MYO18B: variants seen among roughly 807,000 people sequenced by gnomAD.
MYO18B encodes the protein myosin XVIIIB.
In MYO18B, 204 loss-of-function variants were observed where a neutral mutation model predicts 273.0. That is an observed-to-expected ratio of 0.75 (90% CI 0.67 to 0.84). The LOEUF is 0.84. MYO18B is among the 40% of genes least tolerant of loss of function. The pLI is 0.00. For synonymous variants in MYO18B, 1,330 were observed against 1,305.7 expected, an observed-to-expected ratio of 1.02 and a Z score of -0.40; for missense variants, 3,212 against 3,287.6, an observed-to-expected ratio of 0.98 and a Z score of 0.56.
chr22:25,870,948 A>C (rs1457208956), intron 22 of MYO18B, among the ~76,000 whole-genome samples: 1 of 152,228 alleles, frequency 6.6e-6, no homozygotes, highest in Non-Finnish European at 1.5e-5. Context: ...CAGTGGCAGG[A>C]GTAAGAAGTC....
chr22:26,020,886 G>T (rs5752256), intron 42 of MYO18B, among the ~76,000 whole-genome samples: 30,138 of 151,914 alleles, frequency 0.2, 3,056 homozygotes, highest in Middle Eastern at 0.27. Flanking sequence ...GTCAGGAGTT[G>T]GAGACCATCC....
intron 34 of MYO18B, among the ~76,000 whole-genome samples, chr22:25,922,906 CA>C (rs1247020260): frequency 6.6e-6 from 1 of 152,200 alleles, no homozygotes; most frequent in Non-Finnish European, 1.5e-5. Flanking sequence ...CAAAACAAAA[CA>C]AAAACCTAAA....
At position 25,941,479 on chromosome 22, in the gene MYO18B, G is replaced by T. The variant is rs77801265; in HGVS notation, c.5518-4658G>T. Among the ~76,000 whole-genome samples the T allele has an allele frequency of 5.9e-3, 905 of 152,280 alleles. 8 individuals carry two copies. Among genetic ancestry groups the T allele is most frequent in the African/African-American group, 0.019 (773 of 41,546 alleles). ...TCCTCAGGGGAAGGCATTTTCAAAG[G>T]CGAGTCTGGCCAGTGTTGCGCCACT... On this transcript the variant is annotated intron_variant, in intron 34 of 43. Coordinates refer to ENST00000335473, the MANE Select transcript of MYO18B (RefSeq NM_032608.7).
Position 25,955,351 on chromosome 22 carries a change from G to T in MYO18B, c.6143G>T (p.Arg2048Leu). 1 of 1,612,932 alleles carries T rather than the reference G, an allele frequency of 6.2e-7. No individual in the cohort carries two copies. Among genetic ancestry groups the T allele is most frequent in the Non-Finnish European group, 8.5e-7 (1 of 1,179,550 alleles). ...LVQREAEASR[R>L]CMELEKYVEE... ...CAGCGGGAGGCAGAGGCCAGCCGGCGGTGCATGGAGCTGGTGAGTCCTGTC... is the reference window on the plus strand; with the variant it reads ...CAGCGGGAGGCAGAGGCCAGCCGGCTGTGCATGGAGCTGGTGAGTCCTGTC... The change falls in exon 39 of 44, where the codon CGG becomes CTG. Residue 2048 changes from arginine to leucine, a missense_variant. By Grantham distance (102) the Arg-to-Leu change is moderately radical (BLOSUM62 -2). Transcript: ENST00000335473.
rs2086577736 is a variant in MYO18B at position 25,768,266 on chromosome 22, C to T, written c.350C>T (p.Pro117Leu). ...AGCGAGGGGTCCCGCAGCCCCGACC[C>T]TGAGCAGATGACAAGCATCAATGGT... ...KESEGSRSPD[P>L]EQMTSINGEK... is the part of the protein sequence containing the mutation. Residue 117 changes from proline to leucine, a missense_variant, in exon 4 of 44, where the codon CCT becomes CTT. By Grantham distance (98) the Pro-to-Leu change is moderately conservative. Transcript: ENST00000335473. 1 of 1,613,900 alleles carries T rather than the reference C, an allele frequency of 6.2e-7. No individual in the cohort carries two copies. Among genetic ancestry groups the T allele is most frequent in the Non-Finnish European group, 8.5e-7 (1 of 1,179,906 alleles).
intron 21 of MYO18B, among the ~76,000 whole-genome samples, chr22:25,853,851 C>T (rs1382668056): frequency 6.6e-6 from 1 of 152,084 alleles, no homozygotes; most frequent in Non-Finnish European, 1.5e-5. Flanking sequence ...TTTATTTGCT[C>T]ACAAATTTTA....
At chr22:25,825,420 A>G (rs1407990088) in intron 13 of MYO18B, among the ~76,000 whole-genome samples, 1 of 152,136 alleles carries the variant, frequency 6.6e-6, no homozygotes, top group Non-Finnish European at 1.5e-5. Flanking sequence ...AATTTTTTAG[A>G]TAGAACTGAA....
intron 23 of MYO18B, among the ~76,000 whole-genome samples, 179 bp from the exon 24 acceptor site, chr22:25,876,010 G>GTGTA (rs1314889608): frequency 5.3e-5 from 6 of 113,172 alleles, no homozygotes; most frequent in Non-Finnish European, 9.2e-5. Flanking sequence ...GCCCGTGTGT[G>GTGTA]TGTGTGTGTG....
intron 12 of MYO18B, among the ~76,000 whole-genome samples, chr22:25,816,750 G>A (rs563083806): frequency 6.6e-6 from 1 of 152,292 alleles, no homozygotes; most frequent in South Asian, 2.1e-4. Flanking sequence ...ACATCACGCG[G>A]CTGTAAGCAG....
At chr22:25,784,320 G>A (rs932727702) in intron 10 of MYO18B, among the ~76,000 whole-genome samples, 4 of 152,194 alleles carry the variant, frequency 2.6e-5, no homozygotes, top group Admixed American at 2.6e-4. Context: ...GAGAGTGTGA[G>A]GAAAACAGAG....
intron 1 of MYO18B, among the ~76,000 whole-genome samples, chr22:25,755,607 C>G (rs1236175499): frequency 1.3e-5 from 2 of 152,206 alleles, no homozygotes; most frequent in East Asian, 3.8e-4. Context: ...GAGGTGGGAC[C>G]TAGTGGGAGG....
intron 10 of MYO18B, among the ~76,000 whole-genome samples, chr22:25,782,591 G>A (rs1307294211): frequency 6.6e-6 from 1 of 152,230 alleles, no homozygotes; most frequent in Non-Finnish European, 1.5e-5. Flanking sequence ...TTGGATGGAT[G>A]GGCATGGTCC....
intron 39 of MYO18B, among the ~76,000 whole-genome samples, chr22:25,956,645 G>A (rs1441704931): frequency 1.3e-5 from 2 of 151,996 alleles, no homozygotes. Flanking sequence ...TTTTCTCCAC[G>A]GGGCCAGATA....
intron 40 of MYO18B, among the ~76,000 whole-genome samples, chr22:25,995,401 T>C (rs1299040800): frequency 2.6e-5 from 4 of 152,088 alleles, no homozygotes; most frequent in Non-Finnish European, 5.9e-5. Flanking sequence ...AGGAGTATAG[T>C]TGGATTGTTT....
At chr22:25,903,877 A>G (rs777239789) in intron 31 of MYO18B, 46 bp downstream of exon 31, 40 of 1,540,718 alleles carry the variant, frequency 2.6e-5, no homozygotes, top group Non-Finnish European at 2.8e-5. Context: ...CATGTCTCCA[A>G]TGCAGAGTGA....
At chr22:25,784,716 G>T (rs558838967) in intron 10 of MYO18B, among the ~76,000 whole-genome samples, 2 of 152,294 alleles carry the variant, frequency 1.3e-5, no homozygotes, top group East Asian at 1.9e-4. Context: ...ATTCGAAGGG[G>T]CAGGGGGCAT....
rs117036051 is a variant in MYO18B, at chr22:26,002,467, G to A, written c.6288-798G>A. Among the ~76,000 whole-genome samples the A allele has an allele frequency of 2.2e-4, 33 of 152,280 alleles. No individual in the cohort carries two copies. In the East Asian group the frequency reaches 4.8e-3, roughly 22 times the overall value. On this transcript the variant is annotated intron_variant, in intron 40 of 43. Coordinates refer to ENST00000335473, the MANE Select transcript of MYO18B (RefSeq NM_032608.7). The stretch of plus-strand genomic sequence containing the variant: ...CAGGGTGACAGGCTTTTGAGGGTGG[G>A]AGCCAAGGAGCAGCAGGTGCAGCTC...
intron 41 of MYO18B, 135 bp from the exon 42 acceptor site, chr22:26,004,581 CCT>C (rs1934271361): frequency 9.5e-7 from 1 of 1,054,512 alleles, no homozygotes; most frequent in South Asian, 1.9e-5. Flanking sequence ...CTGGCTCCTA[CCT>C]CTCTGGGATG....
At chr22:26,059,357 G>A in the MYO18B span, among the ~76,000 whole-genome samples, 7 of 152,344 alleles carry the variant, frequency 4.6e-5, no homozygotes, top group Admixed American at 1.3e-4. Flanking sequence ...CGGAGATTGT[G>A]TGAGTTATTA....
Sources: gnomAD v4.1 joint callset for allele counts (sites outside exome capture counted in the v4.1 genomes callset) on GRCh38, gnomAD v4.1.1 for gene constraint, MANE v1.5 for transcripts, NCBI Gene and HGNC (gene_info 2026-07-23, HGNC 2026-07-21) for gene names.